Variants in SMPD3 observed in about 807,000 individuals in gnomAD.
SMPD3 encodes sphingomyelin phosphodiesterase 3, also known as nSMase-2.
SMPD3 carries 21 observed loss-of-function variants against 55.7 expected under a neutral mutation model. That is an observed-to-expected ratio of 0.38 (90% confidence interval 0.27 to 0.54). The LOEUF (loss-of-function observed/expected upper bound fraction) is 0.54, where lower values mean the gene tolerates loss of function less well. Among genes scored for constraint, SMPD3 ranks in the 20% least tolerant of loss-of-function variants. SMPD3 has a pLI of 0.80. For missense variants in SMPD3, 842 were observed against 899.6 expected (o/e 0.94, Z 0.82); for synonymous variants, 457 against 404.3 (o/e 1.13, Z -1.56).
intron 1 of SMPD3, among the ~76,000 whole-genome samples, chr16:68,430,383 G>C (rs2090470089): frequency 6.6e-6 from 1 of 152,198 alleles, no homozygotes; most frequent in Non-Finnish European, 1.5e-5. Context: ...AGGGCCATGG[G>C]TTGTGATTCT....
chr16:68,410,048 G>A (rs189554178), intron 1 of SMPD3, among the ~76,000 whole-genome samples: 10 of 152,224 alleles, frequency 6.6e-5, no homozygotes, highest in African/African-American at 2.2e-4. Flanking sequence ...TGACCCTAAC[G>A]AGGCAGAGAT....
At chr16:68,425,861 AGCCCTCCTCCCTT>A (rs914282478) in intron 1 of SMPD3, among the ~76,000 whole-genome samples, 2 of 152,154 alleles carry the variant, frequency 1.3e-5, no homozygotes, top group Admixed American at 6.5e-5. Context: ...TGGGTTTGTC[AGCCCTCCTCCCTT>A]GCACTATGCC....
At chr16:68,387,719 G>C (rs897992726) in intron 1 of SMPD3, among the ~76,000 whole-genome samples, 1 of 152,202 alleles carries the variant, frequency 6.6e-6, no homozygotes, top group African/African-American at 2.4e-5. Context: ...CCCATGGCCC[G>C]GCCCAAAGCC....
chr16:68,362,496 C>T (rs1469023381), intron 7 of SMPD3, among the ~76,000 whole-genome samples: 1 of 152,238 alleles, frequency 6.6e-6, no homozygotes, highest in Admixed American at 6.5e-5. Context: ...GCCTCAGCAC[C>T]ACTGGGCCAG....
At chr16:68,362,680 A>G (rs1263260831) in intron 7 of SMPD3, among the ~76,000 whole-genome samples, 1 of 152,238 alleles carries the variant, frequency 6.6e-6, no homozygotes, top group East Asian at 1.9e-4. Context: ...GGGCTTCCAC[A>G]AGGTTTTCAT....
chr16:68,395,094 A>G (rs1474572281), intron 1 of SMPD3, among the ~76,000 whole-genome samples: 1 of 151,888 alleles, frequency 6.6e-6, no homozygotes, highest in Non-Finnish European at 1.5e-5. Flanking sequence ...GGAATTGGAA[A>G]AAAAAAAAAA....
At chr16:68,403,099 C>T (rs1354455587) in intron 1 of SMPD3, among the ~76,000 whole-genome samples, 6 of 152,384 alleles carry the variant, frequency 3.9e-5, no homozygotes, top group Admixed American at 3.3e-4. Flanking sequence ...GATGTGGCTC[C>T]CTCCTTCACT....
intron 1 of SMPD3, among the ~76,000 whole-genome samples, chr16:68,423,353 G>T (rs983943294): frequency 1.3e-5 from 2 of 152,132 alleles, no homozygotes; most frequent in African/African-American, 4.8e-5. Flanking sequence ...TTCATATATT[G>T]ATGGCATTTG....
intron 1 of SMPD3, among the ~76,000 whole-genome samples, chr16:68,398,007 C>T (rs1161480904): frequency 6.9e-6 from 1 of 143,906 alleles, no homozygotes; most frequent in Non-Finnish European, 1.5e-5. Flanking sequence ...GAGGGAGATG[C>T]AGAATCTGGT....
intron 1 of SMPD3, among the ~76,000 whole-genome samples, chr16:68,409,223 C>G (rs1167371075): frequency 6.6e-6 from 1 of 152,240 alleles, no homozygotes; most frequent in African/African-American, 2.4e-5. Flanking sequence ...TCATCTTGCT[C>G]GAAACCTTGC....
In SMPD3 at chr16:68,358,942, T is replaced by C. The variant is rs1308191009; in HGVS notation, c.*2264A>G. ...GTCCCGGTCTTGGTGCTGAGGGAGGTGTGCGGGGGCCTGGGGGCCGCACAT... is the reference window on the plus strand; with the variant it reads ...GTCCCGGTCTTGGTGCTGAGGGAGGCGTGCGGGGGCCTGGGGGCCGCACAT... On this transcript the variant is annotated 3_prime_UTR_variant, in exon 9 of 9. Coordinates refer to ENST00000219334, the MANE Select transcript of SMPD3 (RefSeq NM_018667.4). 1.3e-5 allele frequency: 2 copies of C among 152,216 alleles called. No individual in the cohort carries two copies. The highest frequency in any genetic ancestry group is 2.9e-5 in the Non-Finnish European group (2 of 67,996). 9.4% of individuals were successfully genotyped at this position (152,216 alleles called of 1,614,324 possible).
chr16:68,399,746 G>A (rs1426735987), intron 1 of SMPD3, among the ~76,000 whole-genome samples: 3 of 152,226 alleles, frequency 2.0e-5, no homozygotes, highest in East Asian at 1.9e-4. Flanking sequence ...AGGTTGCCTC[G>A]TCCTCATCAT....
At chr16:68,361,432 A>C (rs1423454124) in intron 8 of SMPD3, 125 bp from the exon 9 acceptor site, 19 of 1,361,698 alleles carry the variant, frequency 1.4e-5, no homozygotes, top group Non-Finnish European at 1.8e-5. Context: ...TCCTGCAGTC[A>C]GAGGGATGGG....
Position 68,364,879 on chromosome 16 carries a change from A to G in SMPD3, c.1427T>C (p.Leu476Pro). 2 of 1,613,966 alleles carry G rather than the reference A, an allele frequency of 1.2e-6. No individual in the cohort carries two copies. Among genetic ancestry groups the G allele is most frequent in the Non-Finnish European group, 1.7e-6 (2 of 1,179,984 alleles). The change falls in exon 5 of 9, where the codon CTG becomes CCG. Residue 476 changes from leucine to proline, a missense_variant. Coordinates refer to ENST00000219334, the MANE Select transcript of SMPD3 (RefSeq NM_018667.4). ...QEDSAIRCGQ[L>P]DLLQDWLADF... ...AGCCAGCCAGTCCTGAAGCAGGTCC[A>G]GCTGCCCACACCGGATGGCGCTGTC...
intron 2 of SMPD3, among the ~76,000 whole-genome samples, chr16:68,383,521 T>C (rs1376990669): frequency 6.6e-6 from 1 of 152,160 alleles, no homozygotes; most frequent in Non-Finnish European, 1.5e-5. Context: ...TGTTCTCCAC[T>C]TGCTGCCCCT....
intron 1 of SMPD3, among the ~76,000 whole-genome samples, chr16:68,400,809 C>T (rs968868767): frequency 3.3e-5 from 5 of 152,340 alleles, no homozygotes; most frequent in South Asian, 2.1e-4. Context: ...CAGGGCCAGT[C>T]ATACCAGCCC....
chr16:68,410,778 C>G (rs776943976), intron 1 of SMPD3, among the ~76,000 whole-genome samples: 3 of 152,158 alleles, frequency 2.0e-5, no homozygotes, highest in Non-Finnish European at 4.4e-5. Context: ...AATCGTAGGC[C>G]AACTGAAGGG....
Position 68,382,933 on chromosome 16 carries a change from C to A in SMPD3, c.-207+3665G>T, listed in dbSNP as rs528357423. 1.0e-3 allele frequency among the ~76,000 whole-genome samples: 158 copies of A among 152,348 alleles called. 1 individual carries two copies. The highest frequency in any genetic ancestry group is 2.7e-3 in the South Asian group (13 of 4,830). On this transcript the variant is annotated intron_variant, in intron 2 of 8. Transcript: ENST00000219334. ...CTCTGCTCACTGCAACCTCCACCCC[C>A]CACTGGGCTCAAGCGATTCTCCTGC...
chr16:68,364,674 C>T lies in SMPD3; in HGVS notation c.1555+77G>A, dbSNP rs530288259. On this transcript the variant is annotated intron_variant, in intron 5 of 8. Coordinates refer to ENST00000219334, the MANE Select transcript of SMPD3 (RefSeq NM_018667.4). ...AGCAGGAATTCTTTGAGCTGCCTAACGAAGTCTGTCTAGCTGTGACTGAGC... is the reference window on the plus strand; with the variant it reads ...AGCAGGAATTCTTTGAGCTGCCTAATGAAGTCTGTCTAGCTGTGACTGAGC... 1.7e-5 allele frequency: 25 copies of T among 1,488,346 alleles called. No homozygotes were observed. In the East Asian group the frequency reaches 2.3e-4, roughly 14 times the overall value. 92.2% of individuals were successfully genotyped at this position (1,488,346 alleles called of 1,614,324 possible). A position where few individuals can be genotyped will look rare whatever the true frequency, so the allele number is the denominator to read the frequency against.
Sources: gnomAD v4.1 joint callset for allele counts (sites outside exome capture counted in the v4.1 genomes callset) on GRCh38, gnomAD v4.1.1 for gene constraint, MANE v1.5 for transcripts, NCBI Gene and HGNC (gene_info 2026-07-23, HGNC 2026-07-21) for gene names.